The following WDPCP variants were observed in gnomAD, a reference collection of about 807,000 sequenced individuals.
The protein encoded by WDPCP is WD repeat-containing and planar cell polarity effector protein fritz homolog.
WDPCP carries 71 observed loss-of-function variants against 93.1 expected under a neutral mutation model. The ratio of observed to expected loss-of-function variants is 0.76; its 90% confidence interval spans 0.63 to 0.93. WDPCP has a LOEUF of 0.93. WDPCP is among the 40% of genes least tolerant of loss of function. The pLI is 0.00. For synonymous variants in WDPCP, 315 were observed against 315.0 expected (o/e 1.00, Z 0.00); for missense variants, 844 against 887.4 (o/e 0.95, Z 0.62).
At chr2:63,326,286 G>A (rs762936056) in intron 12 of WDPCP, among the ~76,000 whole-genome samples, 30 of 152,220 alleles carry the variant, frequency 2.0e-4, no homozygotes, top group East Asian at 9.7e-4. Context: ...GACTTATGCC[G>A]CCCGAGATGA....
chr2:63,637,617 G>T (rs1165190892), intron 3 of WDPCP, among the ~76,000 whole-genome samples: 1 of 151,876 alleles, frequency 6.6e-6, no homozygotes, highest in East Asian at 1.9e-4. Flanking sequence ...TTTCAAAATG[G>T]GCAAAAGACC....
At chr2:63,362,458 A>C (rs1690557452) in intron 12 of WDPCP, among the ~76,000 whole-genome samples, 1 of 152,046 alleles carries the variant, frequency 6.6e-6, no homozygotes, top group Non-Finnish European at 1.5e-5. Flanking sequence ...TGTAGTCACC[A>C]AGACTATGAA....
intron 6 of WDPCP, among the ~76,000 whole-genome samples, chr2:63,469,903 T>C (rs945873458): frequency 6.6e-6 from 1 of 152,210 alleles, no homozygotes; most frequent in Non-Finnish European, 1.5e-5. Flanking sequence ...CACCTTCCAT[T>C]GAAACTGCTT....
At chr2:63,697,756 T>A (rs1262798439) in intron 2 of WDPCP, among the ~76,000 whole-genome samples, 1 of 151,594 alleles carries the variant, frequency 6.6e-6, no homozygotes, top group Admixed American at 6.6e-5. Flanking sequence ...GAGGTGATTC[T>A]CCCACCTCAG....
chr2:63,823,157 C>T (rs1171069349), intron 1 of WDPCP, among the ~76,000 whole-genome samples: 4 of 149,594 alleles, frequency 2.7e-5, no homozygotes, highest in African/African-American at 9.8e-5. Flanking sequence ...GTAAATTATA[C>T]CTCAATTTAA....
At chr2:63,230,261 G>A (rs1678733600) in intron 14 of WDPCP, among the ~76,000 whole-genome samples, 1 of 152,042 alleles carries the variant, frequency 6.6e-6, no homozygotes, top group Non-Finnish European at 1.5e-5. Flanking sequence ...CAATGGACAT[G>A]AACTCATCCT....
chr2:63,285,722 G>T (rs1434522409), intron 13 of WDPCP, among the ~76,000 whole-genome samples: 1 of 152,244 alleles, frequency 6.6e-6, no homozygotes, highest in Non-Finnish European at 1.5e-5. Context: ...AACTCTGAAA[G>T]AGCTGAAAGT....
At chr2:63,837,611 T>C in the WDPCP span, among the ~76,000 whole-genome samples, 3 of 152,260 alleles carry the variant, frequency 2.0e-5, no homozygotes, top group African/African-American at 7.2e-5. Context: ...ACTTATTTCA[T>C]ACCTTTAACA....
chr2:63,837,806 C>CA, the WDPCP span, among the ~76,000 whole-genome samples: 2 of 152,324 alleles, frequency 1.3e-5, no homozygotes, highest in East Asian at 3.9e-4. Flanking sequence ...ATATGGCTCT[C>CA]AAAGAGCAGA....
At chr2:63,602,934 C>CTTTTGTTTTTTTTTTTTTT (rs1709452776) in intron 3 of WDPCP, among the ~76,000 whole-genome samples, 2 of 131,538 alleles carry the variant, frequency 1.5e-5, no homozygotes, top group Non-Finnish European at 3.4e-5. Flanking sequence ...TTTAACCGTT[C>CTTTTGTTTTTTTTTTTTTT]TTTTTTTTTT....
intron 1 of WDPCP, among the ~76,000 whole-genome samples, chr2:63,571,020 T>C (rs1056229366): frequency 3.9e-5 from 6 of 152,148 alleles, no homozygotes; most frequent in Non-Finnish European, 8.8e-5. Context: ...TTCTCCTGCC[T>C]CAGCCTCCTG....
chr2:63,262,893 T>A (rs1681769736), intron 13 of WDPCP, among the ~76,000 whole-genome samples: 1 of 152,226 alleles, frequency 6.6e-6, no homozygotes, highest in Non-Finnish European at 1.5e-5. Flanking sequence ...TAGGTGGGAC[T>A]ACAGGTACTG....
At chr2:63,303,848 CAT>C in intron 13 of WDPCP, among the ~76,000 whole-genome samples, 1 of 151,376 alleles carries the variant, frequency 6.6e-6, no homozygotes, top group East Asian at 2.0e-4. Context: ...CAAAAGAAGA[CAT>C]ATAAGCAGTC....
At chr2:63,567,226 G>A (rs1374971923) in intron 1 of WDPCP, among the ~76,000 whole-genome samples, 2 of 152,222 alleles carry the variant, frequency 1.3e-5, no homozygotes. Context: ...CTCCCCTAGA[G>A]GTCAGGGAGT....
At chr2:63,378,919 T>C (rs1395715230) in intron 11 of WDPCP, among the ~76,000 whole-genome samples, 1 of 152,268 alleles carries the variant, frequency 6.6e-6, no homozygotes, top group Non-Finnish European at 1.5e-5. Flanking sequence ...GAAATCGATA[T>C]AGCAGAAATG....
chr2:63,824,537 C>CAAAAAAAAAAAAAAAAAA (rs70965144), intron 1 of WDPCP, among the ~76,000 whole-genome samples: 1 of 85,330 alleles, frequency 1.2e-5, no homozygotes, highest in Non-Finnish European at 2.1e-5. Flanking sequence ...GACCATGTTT[C>CAAAAAAAAAAAAAAAAAA]AAAAAAAAAA....
chr2:63,675,114 T>G (rs1008735110), intron 2 of WDPCP, among the ~76,000 whole-genome samples: 1 of 151,866 alleles, frequency 6.6e-6, no homozygotes, highest in Non-Finnish European at 1.5e-5. Flanking sequence ...CTCTCATCAC[T>G]TTTTTTTAAC....
chr2:63,489,588 T>C (rs1700753375), intron 2 of WDPCP, among the ~76,000 whole-genome samples: 1 of 152,048 alleles, frequency 6.6e-6, no homozygotes, highest in Admixed American at 6.6e-5. Context: ...CTGGAACATT[T>C]GTTGTACCAG....
intron 12 of WDPCP, among the ~76,000 whole-genome samples, chr2:63,337,364 C>T (rs1459111351): frequency 6.6e-6 from 1 of 152,194 alleles, no homozygotes; most frequent in East Asian, 1.9e-4. Context: ...ATATATACCA[C>T]ATTTTCTTTA....
Sources: allele counts gnomAD v4.1 joint callset (sites outside exome capture counted in the v4.1 genomes callset), GRCh38; gene constraint gnomAD v4.1.1; transcripts MANE v1.5; gene names NCBI Gene and HGNC (gene_info 2026-07-23, HGNC 2026-07-21).